B4GALNT3: variants seen among roughly 807,000 people sequenced by gnomAD.
The protein encoded by B4GALNT3 is beta-1,4-N-acetyl-galactosaminyltransferase 3.
In B4GALNT3, 86 loss-of-function variants were observed where a neutral mutation model predicts 120.2. The ratio of observed to expected loss-of-function variants is 0.72; its 90% CI spans 0.60 to 0.86. The LOEUF is 0.86. Ranked by LOEUF, B4GALNT3 falls within the 40% of genes least tolerant of loss-of-function variation. The pLI is 0.00. For synonymous variants in B4GALNT3, 518 were observed against 510.4 expected (o/e 1.01, Z -0.20); for missense variants, 1,167 against 1,298.9 (o/e 0.90, Z 1.56).
chr12:544,270 T>G, intron 3 of B4GALNT3, 69 bp from the exon 4 acceptor site: 5 of 1,440,174 alleles, frequency 3.5e-6, no homozygotes, highest in Non-Finnish European at 4.8e-6. Flanking sequence ...CTCATCCCCC[T>G]GGAGCTGAGG....
intron 1 of B4GALNT3, among the ~76,000 whole-genome samples, chr12:495,752 G>A (rs745945479): frequency 6.6e-6 from 1 of 152,158 alleles, no homozygotes; most frequent in Non-Finnish European, 1.5e-5. Flanking sequence ...TGGCCCTTGG[G>A]TAGCTTTCTT....
intron 1 of B4GALNT3, among the ~76,000 whole-genome samples, chr12:524,799 A>T (rs1021276720): frequency 6.6e-6 from 1 of 152,172 alleles, no homozygotes; most frequent in African/African-American, 2.4e-5. Flanking sequence ...TACCGTAAGG[A>T]TTGTTAGGAA....
chr12:502,310 T>A (rs1342179077), intron 1 of B4GALNT3, among the ~76,000 whole-genome samples: 6 of 152,200 alleles, frequency 3.9e-5, no homozygotes, highest in African/African-American at 7.2e-5. Context: ...CGGCATCAGG[T>A]GCTCTGACTT....
rs762032000 is a variant in B4GALNT3 at position 511,013 on chromosome 12, C to CTT, written c.170-24112_170-24111dup. Among the ~76,000 whole-genome samples, 110 of 43,874 alleles carry CTT rather than the reference C, an allele frequency of 2.5e-3. 33 individuals carry two copies. The highest frequency in any genetic ancestry group is 4.0e-3 in the Non-Finnish European group (88 of 21,812). 28.8% of individuals were successfully genotyped at this position (43,874 alleles called of 152,430 possible). A position where few individuals can be genotyped will look rare whatever the true frequency, so the allele number is the denominator to read the frequency against. ...TTTGGTCTCTATGGATTTGCCTATT[C>CTT]TTTTTTTTTTTTTTTTTTTTTTTTT... is the stretch of plus-strand genomic sequence containing the variant. On this transcript the variant is annotated intron_variant, in intron 1 of 19. Transcript: ENST00000266383.
chr12:467,232 G>A (rs1187344448), intron 1 of B4GALNT3, among the ~76,000 whole-genome samples: 1 of 152,034 alleles, frequency 6.6e-6, no homozygotes, highest in Admixed American at 6.5e-5. Context: ...CACTGTGCTC[G>A]GCCTCATTTT....
rs1489585523 is a variant in B4GALNT3, at chr12:561,643, G to A, written c.*192G>A. 24 of 573,344 alleles carry A rather than the reference G, an allele frequency of 4.2e-5. No homozygotes were observed. Among genetic ancestry groups the A allele is most frequent in the South Asian group, 4.1e-4 (19 of 46,210 alleles). 35.5% of individuals were successfully genotyped at this position (573,344 alleles called of 1,614,324 possible). On this transcript the variant is annotated 3_prime_UTR_variant, in exon 20 of 20. Transcript: ENST00000266383. ...CCGGGGCTCCTGTCTCTGCCTCCTGGGCCTTCAGAAGGGAGGACTTTGAGA... is the reference window on the plus strand; with the variant it reads ...CCGGGGCTCCTGTCTCTGCCTCCTGAGCCTTCAGAAGGGAGGACTTTGAGA...
At chr12:546,621 C>A in intron 6 of B4GALNT3, 25 bp from the exon 7 acceptor site, 1 of 1,548,124 alleles carries the variant, frequency 6.5e-7, no homozygotes, top group African/African-American at 1.4e-5. Flanking sequence ...GTTCCTCCCT[C>A]CTCTTCTCTC....
chr12:530,703 G>C (rs1946798164), intron 1 of B4GALNT3, among the ~76,000 whole-genome samples: 1 of 152,188 alleles, frequency 6.6e-6, no homozygotes, highest in South Asian at 2.1e-4. Flanking sequence ...CAGGGAGGTT[G>C]AGAAGAGCTA....
intron 1 of B4GALNT3, among the ~76,000 whole-genome samples, chr12:470,522 C>T (rs1195104760): frequency 3.3e-5 from 5 of 152,170 alleles, no homozygotes; most frequent in Admixed American, 2.6e-4. Context: ...AGGCACACAG[C>T]GCAATACGTA....
intron 1 of B4GALNT3, among the ~76,000 whole-genome samples, chr12:513,858 G>A (rs571121859): frequency 1.1e-4 from 17 of 152,250 alleles, no homozygotes; most frequent in South Asian, 1.0e-3. Flanking sequence ...CAAAGCATGC[G>A]GATTACAGGC....
At position 544,474 on chromosome 12, in the gene B4GALNT3, C is replaced by A. The variant is rs765585044; in HGVS notation, c.447+40C>A. The A allele has an allele frequency of 3.3e-6, 5 of 1,533,904 alleles. No homozygotes were observed. In the South Asian group the frequency reaches 5.6e-5, roughly 17 times the overall value. On this transcript the variant is annotated intron_variant, in intron 4 of 19. Coordinates refer to ENST00000266383, the MANE Select transcript of B4GALNT3 (RefSeq NM_173593.4). ...GCTGCCTTGCCCACCTCCCTCCACACCTGCCTCCTCTGCCCACTTCTGTCT... is the reference window on the plus strand; with the variant it reads ...GCTGCCTTGCCCACCTCCCTCCACAACTGCCTCCTCTGCCCACTTCTGTCT...
chr12:545,306 A>G, intron 5 of B4GALNT3, 63 bp from the exon 6 acceptor site: 1 of 1,547,730 alleles, frequency 6.5e-7, no homozygotes, highest in Non-Finnish European at 8.8e-7. Context: ...CACTCACAAA[A>G]GCCTCCAGCT....
chr12:548,771 G>A lies in B4GALNT3; in HGVS notation c.853+474G>A, dbSNP rs533135895. Among the ~76,000 whole-genome samples, 3 of 152,218 alleles carry A rather than the reference G, an allele frequency of 2.0e-5. No individual in the cohort carries two copies. Among genetic ancestry groups the A allele is most frequent in the Admixed American group, 2.0e-4 (3 of 15,286 alleles). On this transcript the variant is annotated intron_variant, in intron 9 of 19. Transcript: ENST00000266383. The surrounding 1 kb of genome is among the most constrained non-coding windows in gnomAD (Gnocchi z 4.9). ...CAAAAAATTAAAAAATTAACTGGGT[G>A]TGGTGGCGCATGCCTGTAGTCACAG... is the stretch of plus-strand genomic sequence containing the variant.
intron 1 of B4GALNT3, among the ~76,000 whole-genome samples, chr12:466,725 AAATG>A (rs1224868833): frequency 6.6e-6 from 1 of 152,236 alleles, no homozygotes; most frequent in Admixed American, 6.5e-5. Context: ...GGATGAGCAA[AAATG>A]AATATTCTTT....
chr12:509,928 T>G (rs1408236279), intron 1 of B4GALNT3, among the ~76,000 whole-genome samples: 1 of 152,162 alleles, frequency 6.6e-6, no homozygotes, highest in Non-Finnish European at 1.5e-5. Flanking sequence ...CTTGCTGCAT[T>G]TCACTAAAAT....
chr12:508,653 T>G (rs1240166182), intron 1 of B4GALNT3, among the ~76,000 whole-genome samples: 3 of 152,176 alleles, frequency 2.0e-5, no homozygotes, highest in African/African-American at 4.8e-5. Flanking sequence ...AACCCCATGT[T>G]CAACACTTCA....
rs1170228122 is a variant in B4GALNT3, at chr12:460,577, G to A, written c.169+32G>A. 1.0e-5 allele frequency: 14 copies of A among 1,354,512 alleles called. No individual in the cohort carries two copies. Among genetic ancestry groups the A allele is most frequent in the Non-Finnish European group, 1.3e-5 (14 of 1,041,748 alleles). 83.9% of individuals were successfully genotyped at this position (1,354,512 alleles called of 1,614,324 possible). A position where few individuals can be genotyped will look rare whatever the true frequency, so the allele number is the denominator to read the frequency against. On this transcript the variant is annotated intron_variant, in intron 1 of 19. Coordinates refer to ENST00000266383, the MANE Select transcript of B4GALNT3 (RefSeq NM_173593.4). This position sits in a 1 kb window ranked among gnomAD's most constrained non-coding sequence, Gnocchi z 8.0. ...AGCACCCAGGGGAGGCGAAGGGCGC[G>A]GGGGTGGGCGGCGGCGGCGGCTCCT...
At chr12:560,232 A>C (rs1332173767) in intron 19 of B4GALNT3, among the ~76,000 whole-genome samples, 1 of 152,196 alleles carries the variant, frequency 6.6e-6, no homozygotes, top group Non-Finnish European at 1.5e-5. Flanking sequence ...CAGCGTCCAC[A>C]GGAGGTGGAC....
At chr12:525,469 G>A (rs1460823998) in intron 1 of B4GALNT3, among the ~76,000 whole-genome samples, 1 of 152,190 alleles carries the variant, frequency 6.6e-6, no homozygotes, top group Admixed American at 6.5e-5. Context: ...TTGCTGGTGA[G>A]GTGATGCTCT....
Sources: allele counts gnomAD v4.1 joint callset (sites outside exome capture counted in the v4.1 genomes callset), GRCh38; gene constraint gnomAD v4.1.1; non-coding constraint Gnocchi (gnomAD v3.1); transcripts MANE v1.5; gene names NCBI Gene and HGNC (gene_info 2026-07-23, HGNC 2026-07-21).